Variants in FER1L6 observed in about 807,000 individuals in gnomAD.
The protein encoded by FER1L6 is fer-1 like family member 6, also known as fer-1-like protein 6.
In FER1L6, 177 loss-of-function variants were observed where a neutral mutation model predicts 219.2. The ratio of observed to expected loss-of-function variants is 0.81; its 90% CI spans 0.71 to 0.91. FER1L6 has a LOEUF of 0.91. FER1L6 is among the 40% of genes least tolerant of loss of function. FER1L6 has a pLI of 0.00. For missense variants in FER1L6, 2,153 were observed against 2,259.9 expected, an observed-to-expected ratio of 0.95 and a Z score of 0.96; for synonymous variants, 768 against 824.3, an observed-to-expected ratio of 0.93 and a Z score of 1.17.
At chr8:124,049,979 C>A (rs1245157426) in intron 22 of FER1L6, among the ~76,000 whole-genome samples, 1 of 152,226 alleles carries the variant, frequency 6.6e-6, no homozygotes, top group East Asian at 1.9e-4. Context: ...ATGAAATATT[C>A]TTGCGGGTTT....
At chr8:123,904,012 A>C (rs1563679378) in intron 1 of FER1L6, among the ~76,000 whole-genome samples, 1 of 152,220 alleles carries the variant, frequency 6.6e-6, no homozygotes, top group Non-Finnish European at 1.5e-5. Flanking sequence ...GCTGGCAGTG[A>C]TAACACAGAA....
rs573763082 is a variant in FER1L6 at position 124,057,465 on chromosome 8, G to A, written c.2875-2715G>A. Reference sequence around the variant, plus strand: ...AGCACAGTTTTGTTTTCATCTTGTCGGATTTTATAGAGCTTTTAAAACCCT... The same window carrying A: ...AGCACAGTTTTGTTTTCATCTTGTCAGATTTTATAGAGCTTTTAAAACCCT... On this transcript the variant is annotated intron_variant, in intron 22 of 40. Transcript: ENST00000522917. Among the ~76,000 whole-genome samples the A allele has an allele frequency of 4.7e-4, 72 of 151,914 alleles. 1 individual carries two copies. Among genetic ancestry groups the A allele is most frequent in the African/African-American group, 1.5e-3 (64 of 41,420 alleles).
intron 1 of FER1L6, among the ~76,000 whole-genome samples, chr8:123,941,010 A>G (rs1563696754): frequency 6.6e-6 from 1 of 152,154 alleles, no homozygotes; most frequent in Non-Finnish European, 1.5e-5. Context: ...TTCTTTTTGT[A>G]TATTTATTTA....
chr8:123,920,763 A>T (rs1396218995), intron 1 of FER1L6, among the ~76,000 whole-genome samples: 1 of 152,224 alleles, frequency 6.6e-6, no homozygotes, highest in Non-Finnish European at 1.5e-5. Context: ...ATGTATTTAC[A>T]CTGTTGTACA....
intron 1 of FER1L6, among the ~76,000 whole-genome samples, chr8:123,892,323 G>A (rs1812663819): frequency 1.3e-5 from 2 of 151,998 alleles, no homozygotes; most frequent in South Asian, 2.1e-4. Context: ...ATGGAGTCTC[G>A]CACTGTCGCC....
chr8:123,952,085 T>G (rs1736508160), intron 1 of FER1L6, among the ~76,000 whole-genome samples: 2 of 151,276 alleles, frequency 1.3e-5, no homozygotes, highest in Non-Finnish European at 3.0e-5. Context: ...TTACATTAGC[T>G]ACGTGTACAG....
intron 15 of FER1L6, chr8:124,016,012 A>T (rs1042026382): frequency 3.9e-5 from 6 of 152,904 alleles, no homozygotes; most frequent in Admixed American, 2.0e-4. Context: ...AAGGTAAGGG[A>T]GGATGTCCAT....
intron 1 of FER1L6, among the ~76,000 whole-genome samples, chr8:123,894,865 G>C (rs999413090): frequency 2.0e-5 from 3 of 152,184 alleles, no homozygotes; most frequent in African/African-American, 7.2e-5. Context: ...GGTAATGATA[G>C]TAATGGAGTA....
At chr8:123,956,291 G>T (rs1056162716) in intron 2 of FER1L6, among the ~76,000 whole-genome samples, 1 of 152,224 alleles carries the variant, frequency 6.6e-6, no homozygotes, top group Admixed American at 6.5e-5. Flanking sequence ...GCATGTAAGG[G>T]GTCCCTGTGA....
intron 39 of FER1L6, among the ~76,000 whole-genome samples, chr8:124,118,452 T>C (rs1823338664): frequency 1.3e-5 from 2 of 152,220 alleles, no homozygotes; most frequent in Admixed American, 1.3e-4. Flanking sequence ...CAGTTTCCTC[T>C]TGAGAACTGA....
intron 20 of FER1L6, 85 bp downstream of exon 20, chr8:124,040,091 G>A (rs1391874977): frequency 6.4e-7 from 1 of 1,562,532 alleles, no homozygotes; most frequent in Non-Finnish European, 8.8e-7. Context: ...AACAACGGGG[G>A]CATGTTGCAA....
At chr8:123,993,683 C>A (rs912407709) in intron 12 of FER1L6, among the ~76,000 whole-genome samples, 1 of 152,102 alleles carries the variant, frequency 6.6e-6, no homozygotes, top group African/African-American at 2.4e-5. Context: ...GCCCCTTTCC[C>A]TCAGAGTAGG....
At chr8:123,943,745 T>A (rs1814357506) in intron 1 of FER1L6, among the ~76,000 whole-genome samples, 1 of 152,002 alleles carries the variant, frequency 6.6e-6, no homozygotes, top group African/African-American at 2.4e-5. Flanking sequence ...AGCCTGGGCT[T>A]CTGGAAGCCC....
chr8:123,935,898 A>C (rs1160015125), intron 1 of FER1L6, among the ~76,000 whole-genome samples: 2 of 151,320 alleles, frequency 1.3e-5, no homozygotes, highest in African/African-American at 4.9e-5. Flanking sequence ...GACCAACAGA[A>C]GGAAAATGGA....
intron 12 of FER1L6, among the ~76,000 whole-genome samples, chr8:123,997,653 G>A (rs889901125): frequency 1.7e-4 from 26 of 152,136 alleles, no homozygotes; most frequent in African/African-American, 5.1e-4. Flanking sequence ...TCTCAGATTT[G>A]CCCTTTAGAG....
chr8:123,942,566 C>T (rs1814282657), intron 1 of FER1L6, among the ~76,000 whole-genome samples: 1 of 152,192 alleles, frequency 6.6e-6, no homozygotes, highest in African/African-American at 2.4e-5. Context: ...GAGAATCCTT[C>T]CTTGGCTCTT....
intron 1 of FER1L6, among the ~76,000 whole-genome samples, chr8:123,856,308 ATGTATGTG>A (rs1239361534): frequency 6.2e-5 from 4 of 64,224 alleles, no homozygotes; most frequent in East Asian, 3.4e-4. Flanking sequence ...ATATATATAT[ATGTATGTG>A]TATATATATA....
chr8:123,877,737 T>G (rs1385943298), intron 1 of FER1L6, among the ~76,000 whole-genome samples: 1 of 151,550 alleles, frequency 6.6e-6, no homozygotes, highest in Non-Finnish European at 1.5e-5. Flanking sequence ...ATACGCTTCC[T>G]TTAACTTTGG....
rs748228872 is a variant in FER1L6 at position 123,976,009 on chromosome 8, C to T, written c.795C>T (p.Asn265=). Residue 265 remains asparagine (N), a synonymous_variant, in exon 9 of 41, where the codon AAC becomes AAT. Transcript: ENST00000522917. ...LPKMNSSIMA[N]VTKAFVGDSK... ...AAATGAATTCAAGCATCATGGCGAA[C>T]GTCACCAAGGCATTTGTGGGTGACA... is the stretch of plus-strand genomic sequence containing the variant. 71 of 1,613,946 alleles carry T rather than the reference C, an allele frequency of 4.4e-5. No individual in the cohort carries two copies. The highest frequency in any genetic ancestry group is 8.3e-5 in the Admixed American group (5 of 59,994).
Sources: gnomAD v4.1 joint callset for allele counts (sites outside exome capture counted in the v4.1 genomes callset) on GRCh38, gnomAD v4.1.1 for gene constraint, MANE v1.5 for transcripts, NCBI Gene and HGNC (gene_info 2026-07-23, HGNC 2026-07-21) for gene names.